The following RYR3 variants were observed in gnomAD, a reference collection of about 807,000 sequenced individuals.
RYR3 encodes brain ryanodine receptor-calcium release channel.
In RYR3, 207 loss-of-function variants were observed where a neutral mutation model predicts 584.3. That is an observed-to-expected ratio of 0.35 (90% CI 0.32 to 0.40). RYR3 has a LOEUF of 0.40. RYR3 is among the 10% of genes least tolerant of loss of function. RYR3 has a pLI of 1.00. For missense variants in RYR3, 5,616 were observed against 6,089.2 expected, an observed-to-expected ratio of 0.92 and a Z score of 2.59; for synonymous variants, 2,416 against 2,248.5, an observed-to-expected ratio of 1.07 and a Z score of -2.11.
intron 2 of RYR3, among the ~76,000 whole-genome samples, chr15:33,481,789 CTTT>C (rs59354808): frequency 0.26 from 36,436 of 139,090 alleles, 6,096 homozygotes; most frequent in African/African-American, 0.49. Context: ...GCCTTGAATA[CTTT>C]TTTTTTTTTT....
At position 33,652,760 on chromosome 15, in the gene RYR3, T is replaced by A. The variant is rs1403418023; in HGVS notation, c.4185T>A (p.Ile1395=). ...SNCYMVWGGD[I]VASSQRSNRS... ...GCTACATGGTCTGGGGTGGAGACATTGTAGCCAGTTCCCAGAGATCAAATC... is the reference window on the plus strand; with the variant it reads ...GCTACATGGTCTGGGGTGGAGACATAGTAGCCAGTTCCCAGAGATCAAATC... The change falls in exon 32 of 104, where the codon ATT becomes ATA. Residue 1395 remains isoleucine (I), a synonymous_variant. Transcript: ENST00000634891. The A allele has an allele frequency of 6.2e-7, 1 of 1,613,810 alleles. No homozygotes were observed. The highest frequency in any genetic ancestry group is 1.1e-5 in the South Asian group (1 of 91,024).
chr15:33,847,579 T>C (rs1223213846), intron 93 of RYR3: 1 of 152,332 alleles, frequency 6.6e-6, no homozygotes, highest in Non-Finnish European at 1.5e-5. Flanking sequence ...TAGTGATGGT[T>C]GGGGCAAGTG....
chr15:33,460,468 C>G (rs1036448672), intron 1 of RYR3, among the ~76,000 whole-genome samples: 1 of 152,304 alleles, frequency 6.6e-6, no homozygotes, highest in Non-Finnish European at 1.5e-5. Flanking sequence ...TCACACAGAA[C>G]TGGATTTACA....
intron 1 of RYR3, among the ~76,000 whole-genome samples, chr15:33,364,115 T>C (rs1975146412): frequency 6.6e-6 from 1 of 152,228 alleles, no homozygotes; most frequent in Non-Finnish European, 1.5e-5. Context: ...ATTGAATACA[T>C]TGAAATGACA....
intron 1 of RYR3, among the ~76,000 whole-genome samples, chr15:33,405,828 C>T (rs1185248315): frequency 6.6e-6 from 1 of 152,182 alleles, no homozygotes; most frequent in African/African-American, 2.4e-5. Context: ...GCTCTGCTTC[C>T]CTTGCTTGGC....
At chr15:33,658,309 T>C (rs1264006504) in intron 32 of RYR3, among the ~76,000 whole-genome samples, 2 of 152,192 alleles carry the variant, frequency 1.3e-5, no homozygotes, top group Non-Finnish European at 2.9e-5. Context: ...GGGGCCACTC[T>C]CCCCGCCTTC....
intron 11 of RYR3, among the ~76,000 whole-genome samples, chr15:33,565,054 A>G (rs540795592): frequency 2.6e-5 from 4 of 152,308 alleles, no homozygotes; most frequent in South Asian, 4.1e-4. Flanking sequence ...TCCTATTCCT[A>G]TCTTAGGCTT....
chr15:33,467,260 T>G (rs1483248851), intron 1 of RYR3, among the ~76,000 whole-genome samples: 2 of 152,250 alleles, frequency 1.3e-5, no homozygotes, highest in East Asian at 3.8e-4. Flanking sequence ...TCCCACGTGC[T>G]CCTGGTCATG....
intron 98 of RYR3, among the ~76,000 whole-genome samples, chr15:33,857,505 G>C (rs2079816494): frequency 6.6e-6 from 1 of 152,106 alleles, no homozygotes; most frequent in Admixed American, 6.6e-5. Context: ...CTGGAGGCCA[G>C]GACCTCAGCA....
At chr15:33,606,122 A>G (rs1162028611) in intron 18 of RYR3, among the ~76,000 whole-genome samples, 1 of 152,204 alleles carries the variant, frequency 6.6e-6, no homozygotes, top group African/African-American at 2.4e-5. Flanking sequence ...CTTTGGAGTT[A>G]CGCCTGGGTT....
intron 85 of RYR3, 122 bp downstream of exon 85, chr15:33,827,409 C>T (rs1456750173): frequency 2.0e-5 from 16 of 806,458 alleles, no homozygotes; most frequent in Middle Eastern, 2.3e-4. Flanking sequence ...GGCGTTGTAA[C>T]GTGTATCCAC....
chr15:33,649,797 C>A (rs189695346), intron 31 of RYR3, among the ~76,000 whole-genome samples: 1 of 152,220 alleles, frequency 6.6e-6, no homozygotes, highest in Non-Finnish European at 1.5e-5. Flanking sequence ...TCTGCTGGCA[C>A]TGCTGCCAGA....
At chr15:33,379,321 CT>C (rs2040981410) in intron 1 of RYR3, among the ~76,000 whole-genome samples, 1 of 152,058 alleles carries the variant, frequency 6.6e-6, no homozygotes, top group African/African-American at 2.4e-5. Flanking sequence ...GGTCATGTGG[CT>C]ATTTCTCATT....
chr15:33,538,444 G>A (rs181581303), intron 5 of RYR3, among the ~76,000 whole-genome samples: 12 of 152,104 alleles, frequency 7.9e-5, no homozygotes, highest in Non-Finnish European at 1.5e-4. Context: ...ACTAATCAGG[G>A]TATAAAGTTT....
intron 1 of RYR3, chr15:33,473,195 C>G: frequency 1.5e-6 from 1 of 664,752 alleles, no homozygotes; most frequent in Admixed American, 1.9e-5. Flanking sequence ...TACTTGCCCC[C>G]ACTGACCTCA....
chr15:33,774,250 G>A (rs1182153095), intron 64 of RYR3, among the ~76,000 whole-genome samples: 1 of 152,164 alleles, frequency 6.6e-6, no homozygotes, highest in Non-Finnish European at 1.5e-5. Context: ...TTGTTGTTCT[G>A]TTTAATCCAT....
rs372052194 is a variant in RYR3, at chr15:33,636,557, C to G, written c.3556+7C>G. 3.2e-6 allele frequency: 5 copies of G among 1,568,126 alleles called. No homozygotes were observed. The highest frequency in any genetic ancestry group is 1.2e-5 in the South Asian group (1 of 81,404). On this transcript the variant is annotated splice_region_variant and intron_variant, in intron 27 of 103. Transcript: ENST00000634891. ...GACTACGAGATTGAGAATGGTAAAT[C>G]TAACACCCTCTGCCAACCCCAGCTC...
At chr15:33,801,666 C>T (rs952530085) in intron 68 of RYR3, among the ~76,000 whole-genome samples, 2 of 152,084 alleles carry the variant, frequency 1.3e-5, no homozygotes, top group Non-Finnish European at 2.9e-5. Context: ...GTCATATGTG[C>T]CTAAACTCTA....
chr15:33,553,893 C>T (rs970820494), intron 10 of RYR3, among the ~76,000 whole-genome samples: 1 of 152,174 alleles, frequency 6.6e-6, no homozygotes, highest in Non-Finnish European at 1.5e-5. Context: ...TGCTGCCTGC[C>T]CTTCCATTGC....
Sources: gnomAD v4.1 joint callset for allele counts (sites outside exome capture counted in the v4.1 genomes callset) on GRCh38, gnomAD v4.1.1 for gene constraint, MANE v1.5 for transcripts, NCBI Gene and HGNC (gene_info 2026-07-23, HGNC 2026-07-21) for gene names.